FOXP2: variants seen among roughly 807,000 people sequenced by gnomAD.
FOXP2 encodes the protein forkhead box P2, also known as forkhead box protein P2.
Under a neutral mutation model 115.8 loss-of-function variants are expected in FOXP2, and 12 were observed. The observed-to-expected ratio is 0.10, with a 90% CI of 0.07 to 0.17. FOXP2 has a LOEUF of 0.17. Among genes scored for constraint, FOXP2 ranks in the 10% least tolerant of loss-of-function variants. The pLI is 1.00. For missense variants in FOXP2, 629 were observed against 843.5 expected (o/e 0.75, Z 3.15); for synonymous variants, 328 against 297.7 (o/e 1.10, Z -1.05).
At chr7:114,426,088 A>G (rs952513359) in intron 1 of FOXP2, among the ~76,000 whole-genome samples, 1 of 151,712 alleles carries the variant, frequency 6.6e-6, no homozygotes, top group Non-Finnish European at 1.5e-5. Context: ...ATTCTGACAG[A>G]ATCAAGATAG....
chr7:114,420,894 A>G (rs1303027732), intron 1 of FOXP2, among the ~76,000 whole-genome samples: 1 of 151,796 alleles, frequency 6.6e-6, no homozygotes, highest in Non-Finnish European at 1.5e-5. Context: ...AAATTGGTGT[A>G]CATTTTTACA....
chr7:114,418,425 G>T (rs985723216), intron 1 of FOXP2, among the ~76,000 whole-genome samples: 1 of 151,882 alleles, frequency 6.6e-6, no homozygotes, highest in Non-Finnish European at 1.5e-5. Context: ...TGTGGCTAGC[G>T]AGGTTTGTGT....
chr7:114,133,061 A>G (rs1791934130), intron 1 of FOXP2, among the ~76,000 whole-genome samples: 1 of 152,234 alleles, frequency 6.6e-6, no homozygotes, highest in Non-Finnish European at 1.5e-5. Context: ...GCAGATGAAG[A>G]TAACTTAAAC....
chr7:114,254,367 G>T (rs1795541421), intron 1 of FOXP2, among the ~76,000 whole-genome samples: 1 of 152,150 alleles, frequency 6.6e-6, no homozygotes, highest in Non-Finnish European at 1.5e-5. Context: ...AAGTTCTCCT[G>T]GATAATATCC....
chr7:114,492,045 C>CT (rs1554404347), intron 2 of FOXP2, among the ~76,000 whole-genome samples: 1 of 152,018 alleles, frequency 6.6e-6, no homozygotes, highest in Non-Finnish European at 1.5e-5. Context: ...TGGTCCTGGA[C>CT]TTTTTTTGGT....
At chr7:114,356,905 C>T (rs2129186842) in intron 2 of FOXP2, among the ~76,000 whole-genome samples, 1 of 152,116 alleles carries the variant, frequency 6.6e-6, no homozygotes, top group South Asian at 2.1e-4. Context: ...TTTTTATACC[C>T]TTATGGTCTT....
In FOXP2 at chr7:114,549,259, A is replaced by G. The variant is rs1022610464; in HGVS notation, c.258+14553A>G. On this transcript the variant is annotated intron_variant, in intron 3 of 16. Coordinates refer to ENST00000350908, the MANE Select transcript of FOXP2 (RefSeq NM_014491.4). ...GGTACTGTCCATATATTCCTTTTGA[A>G]GAATCTGAGAGCCAGAAAGTTTTAG... Among the ~76,000 whole-genome samples the G allele has an allele frequency of 2.6e-5, 4 of 152,200 alleles. No homozygotes were observed. In the East Asian group the frequency reaches 7.7e-4, roughly 29 times the overall value.
intron 16 of FOXP2, among the ~76,000 whole-genome samples, chr7:114,673,483 A>G (rs1807602380): frequency 6.6e-6 from 1 of 152,236 alleles, no homozygotes; most frequent in Non-Finnish European, 1.5e-5. Context: ...AATTGACTCT[A>G]CAGCAAAACT....
chr7:114,270,755 T>C (rs1796014606), intron 1 of FOXP2, among the ~76,000 whole-genome samples: 1 of 152,132 alleles, frequency 6.6e-6, no homozygotes, highest in Admixed American at 6.6e-5. Flanking sequence ...CTCCATTCTG[T>C]GGCTTATCTT....
chr7:114,187,778 T>C (rs1443200793), intron 1 of FOXP2, among the ~76,000 whole-genome samples: 1 of 152,186 alleles, frequency 6.6e-6, no homozygotes, highest in Admixed American at 6.5e-5. Context: ...CTGAGTAATT[T>C]ATAATGAATA....
At chr7:114,264,750 G>T (rs972666497) in intron 1 of FOXP2, among the ~76,000 whole-genome samples, 21 of 152,290 alleles carry the variant, frequency 1.4e-4, no homozygotes, top group African/African-American at 5.1e-4. Flanking sequence ...AACCAACATT[G>T]CTCAGCTTCT....
rs1022075837 is a variant in FOXP2 at position 114,684,906 on chromosome 7, A to T, written c.2004-4876A>T. On this transcript the variant is annotated intron_variant, in intron 16 of 16. Coordinates refer to ENST00000350908, the MANE Select transcript of FOXP2 (RefSeq NM_014491.4). ...TGTCTACATGAAACTGTAATATACT[A>T]GTTGGTTCATCTATTATTTTACTCA... 3.3e-5 allele frequency among the ~76,000 whole-genome samples: 5 copies of T among 152,148 alleles called. No individual in the cohort carries two copies. The East Asian group carries it at 9.6e-4, about 29-fold the overall frequency.
intron 8 of FOXP2, among the ~76,000 whole-genome samples, chr7:114,649,127 T>C (rs754936829): frequency 2.0e-5 from 3 of 152,086 alleles, no homozygotes; most frequent in Non-Finnish European, 4.4e-5. Flanking sequence ...TTACAGACCT[T>C]TGCCATCAGA....
At chr7:114,399,186 C>A (rs1792816447) in intron 2 of FOXP2, among the ~76,000 whole-genome samples, 1 of 150,972 alleles carries the variant, frequency 6.6e-6, no homozygotes, top group Non-Finnish European at 1.5e-5. Context: ...TGACTCACTG[C>A]AACCTCTGCC....
chr7:114,579,418 G>T (rs1197694216), intron 3 of FOXP2, among the ~76,000 whole-genome samples: 2 of 152,100 alleles, frequency 1.3e-5, no homozygotes, highest in Non-Finnish European at 2.9e-5. Context: ...ATCAGTCCTA[G>T]ATAAGTATCT....
upstream of FOXP2, chr7:114,086,482 TC>T: frequency 3.2e-6 from 1 of 314,608 alleles, no homozygotes; most frequent in African/African-American, 2.4e-5. Flanking sequence ...GCCCCCCCCC[TC>T]CCCGGGCGCG....
At position 114,414,924 on chromosome 7, in the gene FOXP2, A is replaced by G. The variant is rs149651399; in HGVS notation, c.-447A>G. On this transcript the variant is annotated 5_prime_UTR_variant, in exon 1 of 17. Coordinates refer to ENST00000350908, the MANE Select transcript of FOXP2 (RefSeq NM_014491.4). ...CACACTCACACACTCACACACATGC[A>G]CACACACACATACACACACACAAAA... 1,284 of 377,396 alleles carry G rather than the reference A, an allele frequency of 3.4e-3. 19 individuals are homozygous for G. The highest frequency in any genetic ancestry group is 0.025 in the African/African-American group (1,183 of 47,270). 23.4% of individuals were successfully genotyped at this position (377,396 alleles called of 1,614,324 possible). A position where few individuals can be genotyped will look rare whatever the true frequency, so the allele number is the denominator to read the frequency against.
In FOXP2 at chr7:114,536,470, C is replaced by A. The variant is rs544538320; in HGVS notation, c.258+1764C>A. ...GATTTGATACTTGGACTAAAATATA[C>A]GTACTTTTCCTTACAAAATACCCAC... On this transcript the variant is annotated intron_variant, in intron 3 of 16. Coordinates refer to ENST00000350908, the MANE Select transcript of FOXP2 (RefSeq NM_014491.4). 2.2e-5 allele frequency among the ~76,000 whole-genome samples: 3 copies of A among 138,984 alleles called. No homozygotes were observed. In the Admixed American group the frequency reaches 2.3e-4, roughly 11 times the overall value. The allele number at this position is 138,984 out of a possible 152,430, so 91.2% of individuals were successfully genotyped here. A position where few individuals can be genotyped will look rare whatever the true frequency, so the allele number is the denominator to read the frequency against.
intron 2 of FOXP2, among the ~76,000 whole-genome samples, chr7:114,359,649 T>C (rs1791699303): frequency 6.6e-6 from 1 of 152,208 alleles, no homozygotes; most frequent in Admixed American, 6.5e-5. Flanking sequence ...ATGTGAGACA[T>C]GGAGTCAAAG....
Sources: gnomAD v4.1 joint callset for allele counts (sites outside exome capture counted in the v4.1 genomes callset) on GRCh38, gnomAD v4.1.1 for gene constraint, MANE v1.5 for transcripts, NCBI Gene and HGNC (gene_info 2026-07-23, HGNC 2026-07-21) for gene names.